The following ZNF90 variants were observed in gnomAD, a reference collection of about 807,000 sequenced individuals.
ZNF90 encodes the protein zinc finger protein HTF9.
In ZNF90, 11 loss-of-function variants were observed where a neutral mutation model predicts 12.0. The ratio of observed to expected loss-of-function variants is 0.92; its 90% CI spans 0.58 to 1.52. ZNF90 has a LOEUF of 1.52. Among genes scored for constraint, ZNF90 ranks in the 40% most tolerant of loss-of-function variants. The pLI, the probability that ZNF90 is intolerant of heterozygous loss-of-function variation, is 0.00. For missense variants in ZNF90, 765 were observed against 711.5 expected (o/e 1.08, Z -0.86); for synonymous variants, 232 against 240.1 (o/e 0.97, Z 0.31).
chr19:20,089,545 C>T (rs371647173), intron 1 of ZNF90, among the ~76,000 whole-genome samples: 35 of 151,958 alleles, frequency 2.3e-4, no homozygotes, highest in African/African-American at 7.2e-4. Flanking sequence ...TGGGTCTTTG[C>T]GGAGAGATAC....
chr19:20,105,098 T>G (rs782105794), intron 2 of ZNF90, 123 bp from the exon 3 acceptor site: 10 of 543,022 alleles, frequency 1.8e-5, no homozygotes, highest in Non-Finnish European at 2.3e-5. Flanking sequence ...TTTGAAATTT[T>G]TTTTATAACT....
intron 1 of ZNF90, among the ~76,000 whole-genome samples, chr19:20,085,830 C>T (rs1296861479): frequency 6.6e-6 from 1 of 152,008 alleles, no homozygotes; most frequent in African/African-American, 2.4e-5. Context: ...TTTCTGACTC[C>T]AGATTATCTT....
chr19:20,078,102 C>T lies in ZNF90; in HGVS notation c.-31C>T, dbSNP rs766630559. 66 of 1,613,960 alleles carry T rather than the reference C, an allele frequency of 4.1e-5. No individual in the cohort carries two copies. The highest frequency in any genetic ancestry group is 5.1e-5 in the Non-Finnish European group (60 of 1,179,992). On this transcript the variant is annotated 5_prime_UTR_variant, in exon 1 of 4. Transcript: ENST00000418063. ...CTGTGACCTGCAGGTATTGGGAGATCCACAGCTGAGGGACCCCCGGAAGCC... is the reference window on the plus strand; with the variant it reads ...CTGTGACCTGCAGGTATTGGGAGATTCACAGCTGAGGGACCCCCGGAAGCC...
chr19:20,104,206 A>G, intron 1 of ZNF90, 33 bp from the exon 2 acceptor site: 1 of 1,610,292 alleles, frequency 6.2e-7, no homozygotes, highest in Non-Finnish European at 8.5e-7. Flanking sequence ...ACCACTTGGT[A>G]AAAATGTGTG....
At chr19:20,116,047 A>G (rs1225435583) in intron 3 of ZNF90, among the ~76,000 whole-genome samples, 1 of 151,986 alleles carries the variant, frequency 6.6e-6, no homozygotes, top group Non-Finnish European at 1.5e-5. Context: ...AAGTTTTTGT[A>G]TTTTTAGTAC....
intron 3 of ZNF90, among the ~76,000 whole-genome samples, chr19:20,107,521 T>A (rs2089050391): frequency 6.6e-6 from 1 of 152,192 alleles, no homozygotes; most frequent in Non-Finnish European, 1.5e-5. Flanking sequence ...GCATAATGCA[T>A]GCAGGTCTCA....
intron 1 of ZNF90, among the ~76,000 whole-genome samples, chr19:20,086,761 A>T (rs2088862736): frequency 6.6e-6 from 1 of 152,226 alleles, no homozygotes; most frequent in African/African-American, 2.4e-5. Flanking sequence ...CTAATATCCA[A>T]ATAAAATTTA....
At chr19:20,111,424 T>C (rs1255951232) in intron 3 of ZNF90, among the ~76,000 whole-genome samples, 1 of 152,208 alleles carries the variant, frequency 6.6e-6, no homozygotes, top group Non-Finnish European at 1.5e-5. Context: ...TTTTGCCATG[T>C]TGCCCAGGCT....
chr19:20,113,921 C>T (rs977537108), intron 3 of ZNF90, among the ~76,000 whole-genome samples: 1 of 152,128 alleles, frequency 6.6e-6, no homozygotes. Context: ...AATTTCAAAA[C>T]AATACTAACT....
At chr19:20,113,654 C>T (rs1253908077) in intron 3 of ZNF90, among the ~76,000 whole-genome samples, 1 of 151,764 alleles carries the variant, frequency 6.6e-6, no homozygotes, top group African/African-American at 2.4e-5. Flanking sequence ...ACGGTGAAAC[C>T]CGTCTGTACT....
rs1555705792 is a variant in ZNF90, at chr19:20,117,394, T to TTCC, written c.227-386_227-385insCCT. Reference sequence around the variant, plus strand: ...TTTTTTTTCCTTTCTTTTCTTTTCTTTTCTCCTTCCTTCCTTCCTTCCTTC... The same window carrying TTCC: ...TTTTTTTTCCTTTCTTTTCTTTTCTTTCCTTCTCCTTCCTTCCTTCCTTCCTTC... On this transcript the variant is annotated intron_variant, in intron 3 of 3. Coordinates refer to ENST00000418063, the MANE Select transcript of ZNF90 (RefSeq NM_007138.2). Among the ~76,000 whole-genome samples, 19 of 150,728 alleles carry TTCC rather than the reference T, an allele frequency of 1.3e-4. 1 individual carries two copies. Among genetic ancestry groups the TTCC allele is most frequent in the African/African-American group, 4.2e-4 (17 of 40,450 alleles).
chr19:20,084,311 C>T (rs1555701838), intron 1 of ZNF90, among the ~76,000 whole-genome samples: 1 of 152,096 alleles, frequency 6.6e-6, no homozygotes, highest in Non-Finnish European at 1.5e-5. Flanking sequence ...CCCGGGTCAG[C>T]CTCCCAAAGT....
intron 1 of ZNF90, among the ~76,000 whole-genome samples, chr19:20,086,757 TC>T (rs1478083343): frequency 6.6e-6 from 1 of 152,228 alleles, no homozygotes; most frequent in African/African-American, 2.4e-5. Context: ...AAGTCTAATA[TC>T]CAAATAAAAT....
intron 1 of ZNF90, chr19:20,080,594 A>G (rs1599637672): frequency 5.2e-6 from 1 of 192,862 alleles, no homozygotes; most frequent in Admixed American, 5.9e-5. Context: ...CATTTCTTCC[A>G]TTTGGCTTTT....
intron 3 of ZNF90, among the ~76,000 whole-genome samples, chr19:20,109,530 T>C (rs1219686269): frequency 6.6e-6 from 1 of 152,124 alleles, no homozygotes; most frequent in African/African-American, 2.4e-5. Context: ...AAAAGCATTG[T>C]TTTAAAAACA....
chr19:20,109,258 A>G (rs2089065947), intron 3 of ZNF90, among the ~76,000 whole-genome samples: 1 of 152,136 alleles, frequency 6.6e-6, no homozygotes, highest in South Asian at 2.1e-4. Context: ...TAAGAGATAA[A>G]TTGTGCATGT....
In ZNF90 at chr19:20,118,763, C is replaced by A. The variant is rs61743172; in HGVS notation, c.1209C>A (p.Gly403=). 6.2e-5 allele frequency: 100 copies of A among 1,608,368 alleles called. No homozygotes were observed. In the African/African-American group the frequency reaches 1.2e-3, roughly 19 times the overall value. The change falls in exon 4 of 4, where the codon GGC becomes GGA. Residue 403 remains glycine (G), a synonymous_variant. Coordinates refer to ENST00000418063, the MANE Select transcript of ZNF90 (RefSeq NM_007138.2). The stretch of plus-strand genomic sequence containing the variant: ...AACCCTACAAATGTGAAGAATGTGG[C>A]AAAGCCTTCAAGCGCTCCTCAACAC... ...EKKPYKCEEC[G]KAFKRSSTLT... is the part of the protein sequence containing the mutation.
At chr19:20,112,143 C>T (rs782565367) in intron 3 of ZNF90, among the ~76,000 whole-genome samples, 6 of 151,842 alleles carry the variant, frequency 4.0e-5, no homozygotes, top group South Asian at 2.1e-4. Context: ...AGGCATGAGC[C>T]GATGTGCCCA....
At chr19:20,082,778 G>T (rs2088830044) in intron 1 of ZNF90, among the ~76,000 whole-genome samples, 1 of 152,174 alleles carries the variant, frequency 6.6e-6, no homozygotes, top group African/African-American at 2.4e-5. Flanking sequence ...TGCTGAGGAG[G>T]ATTAGTAAAA....
Sources: allele counts gnomAD v4.1 joint callset (sites outside exome capture counted in the v4.1 genomes callset), GRCh38; gene constraint gnomAD v4.1.1; transcripts MANE v1.5; gene names NCBI Gene and HGNC (gene_info 2026-07-23, HGNC 2026-07-21).